ERCC4: variants seen among roughly 807,000 people sequenced by gnomAD.
ERCC4 encodes the protein DNA repair endonuclease XPF.
Under a neutral mutation model 76.9 loss-of-function variants are expected in ERCC4, and 65 were observed. The observed-to-expected ratio is 0.84, with a 90% CI of 0.69 to 1.04. ERCC4 has a LOEUF of 1.04. ERCC4 is among the 50% of genes least tolerant of loss of function. The pLI, the probability that ERCC4 is intolerant of heterozygous loss-of-function variation, is 0.00. For synonymous variants in ERCC4, 463 were observed against 410.1 expected (o/e 1.13, Z -1.56); for missense variants, 1,214 against 1,128.2 (o/e 1.08, Z -1.09).
rs2031938186 is a variant in ERCC4 at position 13,920,182 on chromosome 16, C to T, written c.17C>T (p.Pro6Leu). Residue 6 changes from proline to leucine, a missense_variant, in exon 1 of 11, where the codon CCG becomes CTG. Pro to Leu is a moderately conservative substitution (Grantham distance 98, BLOSUM62 -3). Transcript: ENST00000311895. ...AGAGCTTCCATGGAGTCAGGGCAGC[C>T]GGCTCGACGGATTGCCATGGCGCCG... MESGQ[P>L]ARRIAMAPLL... 7 of 1,605,944 alleles carry T rather than the reference C, an allele frequency of 4.4e-6. No individual in the cohort carries two copies. Among genetic ancestry groups the T allele is most frequent in the Non-Finnish European group, 5.1e-6 (6 of 1,179,838 alleles).
chr16:13,920,366 C>G lies in ERCC4; in HGVS notation c.201C>G (p.Ala67=). 1 of 1,574,424 alleles carries G rather than the reference C, an allele frequency of 6.4e-7. No homozygotes were observed. Among genetic ancestry groups the G allele is most frequent in the South Asian group, 1.1e-5 (1 of 88,276 alleles). Residue 67 remains alanine, a synonymous_variant, in exon 1 of 11, where the codon GCC becomes GCG. Transcript: ENST00000311895. ...CLVLVLNTQP[A]EEEYFINQLK... is the part of the protein sequence containing the mutation. ...TGCTGGTGCTCAACACGCAGCCGGC[C>G]GAGGAGGTGCGGCCGCGCTGGCGCG...
At chr16:13,937,434 G>A (rs1045455301) in intron 8 of ERCC4, among the ~76,000 whole-genome samples, 2 of 152,168 alleles carry the variant, frequency 1.3e-5, no homozygotes, top group East Asian at 1.9e-4. Context: ...AAGAATTGGA[G>A]AAGCCTCTAA....
Position 13,920,156 on chromosome 16 carries a change from A to C in ERCC4, c.-10A>C, listed in dbSNP as rs1487120707. On this transcript the variant is annotated 5_prime_UTR_variant, in exon 1 of 11. Transcript: ENST00000311895. ...TCGGCTGCGTTCGGCTGCGACCCGG[A>C]AGAGCTTCCATGGAGTCAGGGCAGC... 6.2e-7 allele frequency: 1 copy of C among 1,603,310 alleles called. No homozygotes were observed. Among genetic ancestry groups the C allele is most frequent in the Non-Finnish European group, 8.5e-7 (1 of 1,179,682 alleles).
intron 9 of ERCC4, among the ~76,000 whole-genome samples, chr16:13,939,051 T>C (rs2032361590): frequency 6.6e-6 from 1 of 152,178 alleles, no homozygotes; most frequent in African/African-American, 2.4e-5. Context: ...TGAAAATATG[T>C]TTCCTACCAG....
chr16:13,920,521 G>T lies in ERCC4; in HGVS notation c.207+149G>T, dbSNP rs3136045. On this transcript the variant is annotated intron_variant, in intron 1 of 10. Transcript: ENST00000311895. ...GATGACACAGAGAAGGATGGCAGGG[G>T]TCCCCAGGGGGATGCAGGTCCCTCA... 4.8e-3 allele frequency: 3,674 copies of T among 760,768 alleles called. 23 individuals carry two copies. Among genetic ancestry groups the T allele is most frequent in the Middle Eastern group, 0.012 (32 of 2,760 alleles). The allele number at this position is 760,768 out of a possible 1,614,324, so 47.1% of individuals were successfully genotyped here.
In ERCC4 at chr16:13,950,521, A is replaced by G. The variant is rs9925509; in HGVS notation, c.*2174A>G. 0.074 allele frequency: 14,315 copies of G among 192,864 alleles called. 676 individuals are homozygous for G. The highest frequency in any genetic ancestry group is 0.14 in the African/African-American group (5,831 of 43,182). The allele number at this position is 192,864 out of a possible 1,614,324, so 11.9% of individuals were successfully genotyped here. A position where few individuals can be genotyped will look rare whatever the true frequency, so the allele number is the denominator to read the frequency against. ...CTAATTTTTTCCCAGGATTCAAAAT[A>G]TACCCGCTAGAATGGAAAACAAAAA... On this transcript the variant is annotated 3_prime_UTR_variant, in exon 11 of 11. Transcript: ENST00000311895.
At position 13,935,589 on chromosome 16, in the gene ERCC4, A is replaced by G. The variant is rs376216413; in HGVS notation, c.1657A>G (p.Ile553Val). ...AFGILKEPLT[I>V]IHPLLGCSDP... is the part of the protein sequence containing the mutation. ...CGGAATCCTGAAAGAACCCCTCACT[A>G]TCATCCATCCGCTTCTGGGTTGCAG... The change falls in exon 8 of 11, where the codon ATC becomes GTC. Residue 553 changes from isoleucine to valine, a missense_variant. Ile to Val is a conservative substitution (Grantham distance 29). Transcript: ENST00000311895. The G allele has an allele frequency of 1.1e-5, 17 of 1,614,154 alleles. No individual in the cohort carries two copies. Among genetic ancestry groups the G allele is most frequent in the African/African-American group, 6.7e-5 (5 of 75,026 alleles).
chr16:13,930,979 A>G (rs903466557), intron 5 of ERCC4, 89 bp downstream of exon 5: 5 of 829,346 alleles, frequency 6.0e-6, no homozygotes, highest in Non-Finnish European at 8.2e-6. Context: ...AAAGTGCTAT[A>G]TTCAACTATA....
chr16:13,946,849 C>T (rs2032524316), intron 10 of ERCC4, among the ~76,000 whole-genome samples: 1 of 152,174 alleles, frequency 6.6e-6, no homozygotes, highest in African/African-American at 2.4e-5. Context: ...CAACCTCCAC[C>T]TCCTGGGCTC....
Position 13,935,772 on chromosome 16 carries a change from T to C in ERCC4, c.1811+29T>C, listed in dbSNP as rs180741256. 9.4e-6 allele frequency: 14 copies of C among 1,492,694 alleles called. No homozygotes were observed. In the East Asian group the frequency reaches 2.0e-4, roughly 22 times the overall value. The allele number at this position is 1,492,694 out of a possible 1,614,324, so 92.5% of individuals were successfully genotyped here. On this transcript the variant is annotated intron_variant, in intron 8 of 10. Coordinates refer to ENST00000311895, the MANE Select transcript of ERCC4 (RefSeq NM_005236.3). The stretch of plus-strand genomic sequence containing the variant: ...AGTTATAAAGAATCACAGCTTTCAG[T>C]TGCACAGTTCTTTAGGATTTAACCC...
In ERCC4 at chr16:13,928,671, A is replaced by C. The variant is rs544617095; in HGVS notation, c.792+436A>C. On this transcript the variant is annotated intron_variant, in intron 4 of 10. Coordinates refer to ENST00000311895, the MANE Select transcript of ERCC4 (RefSeq NM_005236.3). ...GTGAAACTTGCTCTGTCTTAAAATTACATTCTGAATTGAGGAAATGGTAAG... is the reference window on the plus strand; with the variant it reads ...GTGAAACTTGCTCTGTCTTAAAATTCCATTCTGAATTGAGGAAATGGTAAG... Among the ~76,000 whole-genome samples the C allele has an allele frequency of 5.3e-5, 8 of 152,310 alleles. 1 individual carries two copies. The South Asian group carries it at 1.7e-3, about 32-fold the overall frequency.
At chr16:13,938,452 G>A (rs1044469080) in intron 9 of ERCC4, among the ~76,000 whole-genome samples, 1 of 152,208 alleles carries the variant, frequency 6.6e-6, no homozygotes, top group African/African-American at 2.4e-5. Flanking sequence ...ATGGTGAGAT[G>A]TTCACAAACT....
At chr16:13,940,462 G>A (rs1024656343) in intron 9 of ERCC4, among the ~76,000 whole-genome samples, 2 of 152,104 alleles carry the variant, frequency 1.3e-5, no homozygotes, top group African/African-American at 4.8e-5. Context: ...GTAAAACCAG[G>A]CCTAAGCTTC....
chr16:13,930,081 G>A (rs1175652756), intron 4 of ERCC4, among the ~76,000 whole-genome samples: 6 of 152,106 alleles, frequency 3.9e-5, no homozygotes, highest in South Asian at 4.1e-4. Flanking sequence ...ATTATGGTAC[G>A]TTGTTATTTA....
At position 13,947,087 on chromosome 16, in the gene ERCC4, A is replaced by C. The variant is rs139285647; in HGVS notation, c.2018-527A>C. On this transcript the variant is annotated intron_variant, in intron 10 of 10. Transcript: ENST00000311895. Reference sequence around the variant, plus strand: ...CGAATCTGCTTTTTAATGTGACCCCAGGTGGCTCATGTGCATGTTATAATG... The same window carrying C: ...CGAATCTGCTTTTTAATGTGACCCCCGGTGGCTCATGTGCATGTTATAATG... 4.5e-4 allele frequency among the ~76,000 whole-genome samples: 68 copies of C among 152,296 alleles called. 1 individual carries two copies. The East Asian group carries it at 0.012, about 27-fold the overall frequency.
chr16:13,937,071 C>G (rs1266657722), intron 8 of ERCC4, among the ~76,000 whole-genome samples: 1 of 148,726 alleles, frequency 6.7e-6, no homozygotes, highest in Admixed American at 6.7e-5. Context: ...AGGCATGTGC[C>G]ACCATGCTCA....
chr16:13,951,679 AC>A lies in ERCC4; in HGVS notation c.*3333del, dbSNP rs1229352467. 4 of 218,874 alleles carry A rather than the reference AC, an allele frequency of 1.8e-5. No individual in the cohort carries two copies. The highest frequency in any genetic ancestry group is 9.0e-5 in the African/African-American group (4 of 44,598). 13.6% of individuals were successfully genotyped at this position (218,874 alleles called of 1,614,324 possible). A position where few individuals can be genotyped will look rare whatever the true frequency, so the allele number is the denominator to read the frequency against. ...CTAGATTTGGTCGCATTGAAACCCC[AC>A]AATATAGAATTAATAAATGGCCTTC... is the stretch of plus-strand genomic sequence containing the variant. On this transcript the variant is annotated 3_prime_UTR_variant, in exon 11 of 11. Coordinates refer to ENST00000311895, the MANE Select transcript of ERCC4 (RefSeq NM_005236.3).
intron 7 of ERCC4, 131 bp downstream of exon 7, chr16:13,934,433 C>T: frequency 2.8e-6 from 2 of 717,440 alleles, no homozygotes; most frequent in East Asian, 2.5e-5. Flanking sequence ...TTTTAAAACA[C>T]TGCTATTTTA....
At chr16:13,946,590 T>A (rs1266564482) in intron 10 of ERCC4, among the ~76,000 whole-genome samples, 1 of 152,222 alleles carries the variant, frequency 6.6e-6, no homozygotes, top group East Asian at 1.9e-4. Flanking sequence ...GATGTGGACA[T>A]CTTTGCGGGG....
Sources: gnomAD v4.1 joint callset for allele counts (sites outside exome capture counted in the v4.1 genomes callset) on GRCh38, gnomAD v4.1.1 for gene constraint, MANE v1.5 for transcripts, NCBI Gene and HGNC (gene_info 2026-07-23, HGNC 2026-07-21) for gene names.